DMXL2: variants seen among roughly 807,000 people sequenced by gnomAD.
DMXL2 encodes the protein dmX-like protein 2.
Under a neutral mutation model 331.1 loss-of-function variants are expected in DMXL2, and 103 were observed. That is an observed-to-expected ratio of 0.31 (90% CI 0.27 to 0.37). DMXL2 has a LOEUF of 0.37. Ranked by LOEUF, DMXL2 falls within the 10% of genes least tolerant of loss-of-function variation. The probability of loss-of-function intolerance (pLI) is 1.00; values close to 1 mark genes in which losing one functional copy is unlikely to be tolerated. For synonymous variants in DMXL2, 1,281 were observed against 1,252.1 expected (o/e 1.02, Z -0.49); for missense variants, 3,171 against 3,642.9 (o/e 0.87, Z 3.33).
At chr15:51,615,442 TGGTAACTCTTC>T (rs922138809) in intron 1 of DMXL2, among the ~76,000 whole-genome samples, 2 of 152,222 alleles carry the variant, frequency 1.3e-5, no homozygotes, top group Non-Finnish European at 1.5e-5. Context: ...ATTTTGGGCT[TGGTAACTCTTC>T]ATTGTGGAGG....
intron 13 of DMXL2, among the ~76,000 whole-genome samples, chr15:51,520,732 C>A (rs2047310515): frequency 6.6e-6 from 1 of 152,162 alleles, no homozygotes; most frequent in African/African-American, 2.4e-5. Context: ...CAGTGCGCAC[C>A]TGTAATCCCA....
intron 14 of DMXL2, among the ~76,000 whole-genome samples, chr15:51,515,890 G>A (rs1054632656): frequency 7.9e-5 from 12 of 152,136 alleles, no homozygotes; most frequent in African/African-American, 2.9e-4. Context: ...CATTCCTATT[G>A]AGTAGAAAAA....
At position 51,568,520 on chromosome 15, in the gene DMXL2, C is replaced by T. The variant is rs773322550; in HGVS notation, c.252G>A (p.Glu84=). The T allele has an allele frequency of 1.9e-6, 3 of 1,577,712 alleles. No homozygotes were observed. The South Asian group carries it at 3.6e-5, about 19-fold the overall frequency. Residue 84 remains glutamate, a synonymous_variant, in exon 3 of 44, where the codon GAG becomes GAA. Coordinates refer to ENST00000560891, the MANE Select transcript of DMXL2 (RefSeq NM_001378457.1). ...TTTTATGAGAATTTATGCCCAAGGG[C>T]TCAAATATACAAACAGCATTACCAT... is the stretch of plus-strand genomic sequence containing the variant. ...ASYGNAVCIF[E]PLGINSHKRN...
chr15:51,462,208 C>A (rs976667866), intron 33 of DMXL2, among the ~76,000 whole-genome samples: 1 of 151,848 alleles, frequency 6.6e-6, no homozygotes, highest in East Asian at 1.9e-4. Context: ...CTGCCCTGGG[C>A]ATGAGGAAAA....
chr15:51,458,419 C>G (rs1337864643), intron 36 of DMXL2, 87 bp downstream of exon 36: 36 of 1,430,952 alleles, frequency 2.5e-5, no homozygotes, highest in Non-Finnish European at 3.4e-5. Flanking sequence ...ACACGTATAC[C>G]TTTTGAAATA....
Position 51,481,389 on chromosome 15 carries a change from G to GA in DMXL2, c.5716dup (p.Ser1906PhefsTer20). On this transcript the variant is annotated frameshift_variant, in exon 24 of 44. Coordinates refer to ENST00000560891, the MANE Select transcript of DMXL2 (RefSeq NM_001378457.1). LOFTEE classifies it high-confidence loss of function. ...TGTTTTGGTTACTTTTGGAATTTTG[G>GA]AGAGTACCTCCAAGGCTAAAACAGG... 1 of 1,613,556 alleles carries GA rather than the reference G, an allele frequency of 6.2e-7. No individual in the cohort carries two copies. The highest frequency in any genetic ancestry group is 8.5e-7 in the Non-Finnish European group (1 of 1,179,766).
chr15:51,614,073 A>G (rs1012116210), intron 1 of DMXL2, among the ~76,000 whole-genome samples: 2 of 152,224 alleles, frequency 1.3e-5, no homozygotes, highest in African/African-American at 4.8e-5. Context: ...ATAAGGTTAA[A>G]TGAGATCTTA....
chr15:51,547,547 AATTAC>A, intron 6 of DMXL2, 139 bp from the exon 7 acceptor site: 1 of 515,264 alleles, frequency 1.9e-6, no homozygotes, highest in Non-Finnish European at 3.2e-6. Flanking sequence ...CTTATCTCAA[AATTAC>A]ATTACTTTAA....
At chr15:51,518,628 GCACACTGAAT>G (rs2047170794) in intron 13 of DMXL2, among the ~76,000 whole-genome samples, 1 of 152,142 alleles carries the variant, frequency 6.6e-6, no homozygotes, top group Non-Finnish European at 1.5e-5. Flanking sequence ...AATCTTGGCT[GCACACTGAAT>G]CACCTGGAGA....
At chr15:51,622,263 A>T (rs1267777360) in intron 1 of DMXL2, among the ~76,000 whole-genome samples, 196 bp downstream of exon 1, 1 of 152,104 alleles carries the variant, frequency 6.6e-6, no homozygotes, top group East Asian at 1.9e-4. Context: ...CTAACGGGTG[A>T]TTTCCTACAC....
intron 13 of DMXL2, among the ~76,000 whole-genome samples, chr15:51,520,411 A>G (rs2047287603): frequency 6.6e-6 from 1 of 152,232 alleles, no homozygotes; most frequent in Non-Finnish European, 1.5e-5. Flanking sequence ...TGTATACTTT[A>G]AACATTTTGT....
chr15:51,466,334 T>G, intron 29 of DMXL2, 23 bp from the exon 30 acceptor site: 1 of 1,145,252 alleles, frequency 8.7e-7, no homozygotes, highest in Non-Finnish European at 1.2e-6. Context: ...GTAAAATTAT[T>G]TTTTTAAAGA....
At chr15:51,591,998 A>T (rs975795636) in intron 1 of DMXL2, among the ~76,000 whole-genome samples, 7 of 152,158 alleles carry the variant, frequency 4.6e-5, no homozygotes, top group Non-Finnish European at 4.4e-5. Flanking sequence ...AAACTCTAAA[A>T]ATCAGAGCGC....
At chr15:51,587,648 T>G (rs545163122) in intron 1 of DMXL2, among the ~76,000 whole-genome samples, 2 of 152,340 alleles carry the variant, frequency 1.3e-5, no homozygotes, top group African/African-American at 2.4e-5. Context: ...TGTGTCTTTA[T>G]AGCAGCATGA....
chr15:51,612,014 G>A (rs2054004394), intron 1 of DMXL2, among the ~76,000 whole-genome samples: 1 of 152,124 alleles, frequency 6.6e-6, no homozygotes, highest in Admixed American at 6.5e-5. Context: ...AGTAAACCTT[G>A]CTACCACTCT....
At chr15:51,455,973 A>C (rs568861797) in intron 39 of DMXL2, 93 bp downstream of exon 39, 6 of 1,421,138 alleles carry the variant, frequency 4.2e-6, no homozygotes, top group Non-Finnish European at 4.9e-6. Flanking sequence ...ATCCAGGGTC[A>C]CTGAATTCAT....
chr15:51,622,341 G>C, intron 1 of DMXL2, 118 bp downstream of exon 1: 1 of 1,360,156 alleles, frequency 7.4e-7, no homozygotes, highest in Non-Finnish European at 1.0e-6. Flanking sequence ...AAGGGGCCAC[G>C]GGTGGGGCCC....
chr15:51,506,977 T>C (rs1040481443), intron 16 of DMXL2, among the ~76,000 whole-genome samples, 157 bp downstream of exon 16: 2 of 152,250 alleles, frequency 1.3e-5, no homozygotes, highest in African/African-American at 4.8e-5. Context: ...TCATTAATGA[T>C]TTATGACCTT....
intron 6 of DMXL2, among the ~76,000 whole-genome samples, chr15:51,552,566 C>CT (rs1181414255): frequency 2.6e-5 from 4 of 152,184 alleles, no homozygotes; most frequent in African/African-American, 9.7e-5. Flanking sequence ...ACAAAATTAA[C>CT]TGACATTCCC....
Sources: gnomAD v4.1 joint callset for allele counts (sites outside exome capture counted in the v4.1 genomes callset) on GRCh38, gnomAD v4.1.1 for gene constraint, MANE v1.5 for transcripts, NCBI Gene and HGNC (gene_info 2026-07-23, HGNC 2026-07-21) for gene names.